Variants in ANO4 observed in about 807,000 individuals in gnomAD.
The protein encoded by ANO4 is anoctamin-4.
Under a neutral mutation model 141.9 loss-of-function variants are expected in ANO4, and 69 were observed. That is an observed-to-expected ratio of 0.49 (90% CI 0.40 to 0.59). The LOEUF is 0.59. Ranked by LOEUF, ANO4 falls within the 20% of genes least tolerant of loss-of-function variation. The pLI is 0.00. For synonymous variants in ANO4, 350 were observed against 394.3 expected, an observed-to-expected ratio of 0.89 and a Z score of 1.33; for missense variants, 894 against 1,162.2, an observed-to-expected ratio of 0.77 and a Z score of 3.36.
chr12:101,111,458 GAAGAAAGGACCCATGA>G, intron 23 of ANO4, 89 bp from the exon 24 acceptor site: 1 of 1,099,934 alleles, frequency 9.1e-7, no homozygotes, highest in Non-Finnish European at 1.3e-6. Context: ...TTGGAAAGAT[GAAGAAAGGACCCATGA>G]AAAGGACTTT....
chr12:101,071,338 TAAA>T (rs541823846), intron 14 of ANO4, among the ~76,000 whole-genome samples: 6 of 137,804 alleles, frequency 4.4e-5, no homozygotes, highest in African/African-American at 2.6e-5. Context: ...AGTCAGCCAT[TAAA>T]AAAAAAAAAA....
intron 1 of ANO4, among the ~76,000 whole-genome samples, chr12:100,829,686 C>T (rs2036540268): frequency 6.6e-6 from 1 of 151,976 alleles, no homozygotes; most frequent in African/African-American, 2.4e-5. Flanking sequence ...CTTAATATTT[C>T]CTTGAAATGT....
intron 9 of ANO4, among the ~76,000 whole-genome samples, chr12:101,027,955 C>A (rs989204911): frequency 1.8e-4 from 28 of 152,142 alleles, no homozygotes; most frequent in African/African-American, 6.8e-4. Context: ...GGTTAGAGAT[C>A]CCAGAAGAAG....
intron 7 of ANO4, 82 bp downstream of exon 7, chr12:100,974,971 G>A: frequency 1.3e-6 from 2 of 1,498,416 alleles, no homozygotes; most frequent in Non-Finnish European, 1.9e-6. Flanking sequence ...CTATAAGCTG[G>A]GGAAGATGAG....
At chr12:100,799,964 C>G (rs901177445) in intron 1 of ANO4, among the ~76,000 whole-genome samples, 12 of 152,152 alleles carry the variant, frequency 7.9e-5, no homozygotes, top group Non-Finnish European at 1.2e-4. Context: ...GTTCACAAAT[C>G]TGCTTTGTGG....
chr12:100,915,021 A>T (rs1430598406), intron 2 of ANO4, among the ~76,000 whole-genome samples: 2 of 151,884 alleles, frequency 1.3e-5, no homozygotes, highest in Non-Finnish European at 2.9e-5. Context: ...AGGTCTTGCT[A>T]TATTGCTCAG....
chr12:100,721,069 A>G (rs907454880), intron 1 of ANO4, among the ~76,000 whole-genome samples: 1 of 152,230 alleles, frequency 6.6e-6, no homozygotes, highest in Non-Finnish European at 1.5e-5. Context: ...AGAAATCACC[A>G]GTTAGAACTT....
chr12:100,810,086 A>G (rs1160045560), intron 1 of ANO4, among the ~76,000 whole-genome samples: 1 of 152,092 alleles, frequency 6.6e-6, no homozygotes, highest in Non-Finnish European at 1.5e-5. Context: ...GTAAGTTGAT[A>G]TGTTAAGCAG....
At chr12:100,823,055 C>G (rs1025273960) in intron 1 of ANO4, among the ~76,000 whole-genome samples, 3 of 151,868 alleles carry the variant, frequency 2.0e-5, no homozygotes, top group Non-Finnish European at 4.4e-5. Flanking sequence ...GAAAAAAAAT[C>G]AGATATTTAC....
chr12:101,091,459 TCATCAGAA>T (rs1429973952), intron 17 of ANO4, among the ~76,000 whole-genome samples: 1 of 152,172 alleles, frequency 6.6e-6, no homozygotes, highest in African/African-American at 2.4e-5. Context: ...TGGAATGGTT[TCATCAGAA>T]CATCTTAAAA....
At chr12:100,926,208 T>C (rs913871826) in intron 3 of ANO4, among the ~76,000 whole-genome samples, 1 of 152,152 alleles carries the variant, frequency 6.6e-6, no homozygotes, top group Admixed American at 6.6e-5. Context: ...CACATCTTGA[T>C]GCAAGAATTT....
chr12:100,740,883 T>C (rs1436007627), intron 3 of ANO4, among the ~76,000 whole-genome samples: 2 of 152,208 alleles, frequency 1.3e-5, no homozygotes, highest in Non-Finnish European at 2.9e-5. Flanking sequence ...TATGGCTGTT[T>C]TCACATAACA....
chr12:101,096,484 TGA>T (rs2136947691), intron 18 of ANO4, 50 bp from the exon 19 acceptor site: 2 of 1,390,822 alleles, frequency 1.4e-6, no homozygotes, highest in Admixed American at 1.7e-5. Flanking sequence ...GAGAGGGAGT[TGA>T]GAGGGGATGA....
chr12:101,024,940 G>T (rs1593048518), intron 9 of ANO4, among the ~76,000 whole-genome samples: 1 of 152,186 alleles, frequency 6.6e-6, no homozygotes, highest in East Asian at 1.9e-4. Context: ...ATCAGTGCAT[G>T]TGCCATTTTC....
At position 101,045,291 on chromosome 12, in the gene ANO4, C is replaced by T. The variant is rs73377034; in HGVS notation, c.1251+1656C>T. Among the ~76,000 whole-genome samples, 539 of 152,274 alleles carry T rather than the reference C, an allele frequency of 3.5e-3. 4 individuals are homozygous for T. Among genetic ancestry groups the T allele is most frequent in the African/African-American group, 0.012 (514 of 41,548 alleles). On this transcript the variant is annotated intron_variant, in intron 13 of 27. Transcript: ENST00000392977. ...GAGACTCAAAGAGGTAAAAATTACT[C>T]ATGCATGGTCATGCAGCAATAAGTA...
chr12:100,885,703 C>G (rs1331959221), intron 1 of ANO4, among the ~76,000 whole-genome samples: 1 of 152,204 alleles, frequency 6.6e-6, no homozygotes, highest in African/African-American at 2.4e-5. Flanking sequence ...TCAATACATG[C>G]TAACCATTGT....
chr12:101,032,060 T>C (rs746084168), intron 9 of ANO4, among the ~76,000 whole-genome samples: 1 of 152,198 alleles, frequency 6.6e-6, no homozygotes, highest in Non-Finnish European at 1.5e-5. Context: ...ATTGACATTC[T>C]TCACAGAATT....
chr12:100,752,757 A>G (rs182129033), intron 3 of ANO4, among the ~76,000 whole-genome samples: 80 of 152,288 alleles, frequency 5.3e-4, no homozygotes, highest in African/African-American at 1.9e-3. Flanking sequence ...AGGGCTCTGT[A>G]TTCCCTGCAG....
Position 101,127,088 on chromosome 12 carries a change from G to C in ANO4, c.*4+14G>C. The C allele has an allele frequency of 6.2e-7, 1 of 1,605,120 alleles. No individual in the cohort carries two copies. Among genetic ancestry groups the C allele is most frequent in the Non-Finnish European group, 8.5e-7 (1 of 1,175,050 alleles). On this transcript the variant is annotated intron_variant, in intron 27 of 27. Coordinates refer to ENST00000392977, the MANE Select transcript of ANO4 (RefSeq NM_001286615.2). ...GGCCGTGACCATGTAGGTGAGAGGT[G>C]TGCTCAGCGTCTGAGGCCATTCCGA...
Sources: allele counts gnomAD v4.1 joint callset (sites outside exome capture counted in the v4.1 genomes callset), GRCh38; gene constraint gnomAD v4.1.1; transcripts MANE v1.5; gene names NCBI Gene and HGNC (gene_info 2026-07-23, HGNC 2026-07-21).